EPHA7: variants seen among roughly 807,000 people sequenced by gnomAD.
The protein encoded by EPHA7 is ephrin type-A receptor 7.
A neutral mutation model predicts 112.6 loss-of-function variants in EPHA7; 25 were observed. The observed-to-expected ratio is 0.22, with a 90% CI of 0.16 to 0.31. The LOEUF is 0.31. Among genes scored for constraint, EPHA7 ranks in the 10% least tolerant of loss-of-function variants. The probability of loss-of-function intolerance (pLI) is 1.00; values close to 1 mark genes in which losing one functional copy is unlikely to be tolerated. For missense variants in EPHA7, 962 were observed against 1,212.6 expected (o/e 0.79, Z 3.07); for synonymous variants, 437 against 406.5 (o/e 1.07, Z -0.90).
chr6:93,396,532 G>A (rs917562196), intron 3 of EPHA7, among the ~76,000 whole-genome samples: 3 of 151,736 alleles, frequency 2.0e-5, no homozygotes, highest in African/African-American at 2.4e-5. Context: ...TAATATGTTC[G>A]AGATTTGTTA....
intron 5 of EPHA7, among the ~76,000 whole-genome samples, chr6:93,316,771 C>T (rs1038177664): frequency 2.0e-5 from 3 of 152,082 alleles, no homozygotes; most frequent in Admixed American, 6.6e-5. Context: ...CCTATTGATA[C>T]TGAGTTTCTG....
intron 3 of EPHA7, among the ~76,000 whole-genome samples, chr6:93,364,482 C>T (rs541272765): frequency 2.3e-4 from 35 of 149,180 alleles, no homozygotes; most frequent in African/African-American, 4.0e-4. Context: ...CGAGATGGTG[C>T]CACTGCACTC....
intron 5 of EPHA7, among the ~76,000 whole-genome samples, chr6:93,277,522 A>C (rs2127891112): frequency 6.6e-6 from 1 of 152,150 alleles, no homozygotes; most frequent in South Asian, 2.1e-4. Context: ...AGGGTAATTG[A>C]ACCTGTAGCA....
At chr6:93,416,774 G>T (rs954241328) in intron 1 of EPHA7, among the ~76,000 whole-genome samples, 4 of 152,152 alleles carry the variant, frequency 2.6e-5, no homozygotes, top group African/African-American at 9.7e-5. Context: ...CCGGAGTCCT[G>T]TGGGCCAACA....
intron 5 of EPHA7, among the ~76,000 whole-genome samples, chr6:93,281,932 G>C (rs1771761131): frequency 6.6e-6 from 1 of 151,190 alleles, no homozygotes; most frequent in Non-Finnish European, 1.5e-5. Flanking sequence ...ATTTAGATAA[G>C]GTAAATTTAT....
rs562255916 is a variant in EPHA7 at position 93,382,673 on chromosome 6, G to T, written c.833-24262C>A. 2.6e-5 allele frequency among the ~76,000 whole-genome samples: 4 copies of T among 152,086 alleles called. No homozygotes were observed. The South Asian group carries it at 6.2e-4, about 24-fold the overall frequency. On this transcript the variant is annotated intron_variant, in intron 3 of 16. Transcript: ENST00000369303. ...TTCAGTCCCCGGTTTACTGAACGAG[G>T]TTTTTTCCCTCACCACTGTTTAAGC...
intron 15 of EPHA7, among the ~76,000 whole-genome samples, chr6:93,245,717 T>C (rs1417491770): frequency 6.6e-6 from 1 of 152,216 alleles, no homozygotes; most frequent in Admixed American, 6.5e-5. Context: ...CCAACAATAT[T>C]TGGAATCAGT....
At chr6:93,356,689 A>G (rs766568311) in intron 5 of EPHA7, 28 bp downstream of exon 5, 2 of 1,572,462 alleles carry the variant, frequency 1.3e-6, no homozygotes, top group Non-Finnish European at 8.6e-7. Flanking sequence ...ACATTATTTC[A>G]TTCAGTGAAG....
chr6:93,277,179 C>T lies in EPHA7; in HGVS notation c.1325-4757G>A, dbSNP rs996029815. Among the ~76,000 whole-genome samples the T allele has an allele frequency of 4.6e-5, 7 of 151,982 alleles. No homozygotes were observed. In the South Asian group the frequency reaches 6.2e-4, roughly 13 times the overall value. On this transcript the variant is annotated intron_variant, in intron 5 of 16. Coordinates refer to ENST00000369303, the MANE Select transcript of EPHA7 (RefSeq NM_004440.4). Reference sequence around the variant, plus strand: ...TTAGCAATCCTTGAAATAACAAATGCGTGTGTTACTATGAGCTTAGTATTT... The same window carrying T: ...TTAGCAATCCTTGAAATAACAAATGTGTGTGTTACTATGAGCTTAGTATTT...
chr6:93,364,173 A>G (rs1054128627), intron 3 of EPHA7, among the ~76,000 whole-genome samples: 7 of 152,142 alleles, frequency 4.6e-5, no homozygotes, highest in African/African-American at 1.4e-4. Context: ...TATATTGTAC[A>G]CTTTAATGGG....
intron 3 of EPHA7, among the ~76,000 whole-genome samples, chr6:93,407,303 C>T (rs1778766035): frequency 6.6e-6 from 1 of 152,014 alleles, no homozygotes; most frequent in East Asian, 1.9e-4. Flanking sequence ...CTCTCCCAAA[C>T]ACATTAGTTT....
chr6:93,396,040 T>C (rs1778155910), intron 3 of EPHA7, among the ~76,000 whole-genome samples: 1 of 151,880 alleles, frequency 6.6e-6, no homozygotes, highest in Non-Finnish European at 1.5e-5. Context: ...TGTAATTGTG[T>C]CTCTGCTGTC....
At chr6:93,273,807 C>T (rs934913813) in intron 5 of EPHA7, among the ~76,000 whole-genome samples, 3 of 151,958 alleles carry the variant, frequency 2.0e-5, no homozygotes, top group African/African-American at 7.2e-5. Flanking sequence ...TAACTTATCT[C>T]TAAAGTGACA....
In EPHA7 at chr6:93,301,253, A is replaced by G. The variant is rs148615347; in HGVS notation, c.1325-28831T>C. The stretch of plus-strand genomic sequence containing the variant: ...TTTAAAATTGATATCTCATATTTGT[A>G]CATATTTTGAGGGTACATGTAATAC... On this transcript the variant is annotated intron_variant, in intron 5 of 16. Transcript: ENST00000369303. Among the ~76,000 whole-genome samples, 552 of 152,272 alleles carry G rather than the reference A, an allele frequency of 3.6e-3. 1 individual carries two copies. Among genetic ancestry groups the G allele is most frequent in the African/African-American group, 0.013 (531 of 41,562 alleles).
At chr6:93,281,373 C>T (rs1039072376) in intron 5 of EPHA7, among the ~76,000 whole-genome samples, 1 of 152,154 alleles carries the variant, frequency 6.6e-6, no homozygotes, top group African/African-American at 2.4e-5. Context: ...TACTTTCGTA[C>T]TTTTACAGTC....
intron 3 of EPHA7, among the ~76,000 whole-genome samples, chr6:93,401,084 TA>T (rs1367814665): frequency 3.3e-5 from 5 of 152,078 alleles, no homozygotes; most frequent in Non-Finnish European, 7.4e-5. Flanking sequence ...GGGGTTAAAC[TA>T]GGTGCTAATT....
Position 93,291,767 on chromosome 6 carries a change from CAAAAA to C in EPHA7, c.1325-19350_1325-19346del, listed in dbSNP as rs66483422. ...TGGGCGACAGAGCGAGACTCCGTCT[CAAAAA>C]AAAAAAAAAAAAAAATACTTTTCTG... On this transcript the variant is annotated intron_variant, in intron 5 of 16. Coordinates refer to ENST00000369303, the MANE Select transcript of EPHA7 (RefSeq NM_004440.4). Among the ~76,000 whole-genome samples, 61 of 71,680 alleles carry C rather than the reference CAAAAA, an allele frequency of 8.5e-4. 2 individuals carry two copies. Among genetic ancestry groups the C allele is most frequent in the Middle Eastern group, 0.021 (2 of 96 alleles). 47.0% of individuals were successfully genotyped at this position (71,680 alleles called of 152,430 possible).
At chr6:93,390,075 A>G (rs1777825876) in intron 3 of EPHA7, among the ~76,000 whole-genome samples, 1 of 151,972 alleles carries the variant, frequency 6.6e-6, no homozygotes, top group Non-Finnish European at 1.5e-5. Context: ...ATAAGGAGAC[A>G]AAGCAGCATG....
intron 5 of EPHA7, among the ~76,000 whole-genome samples, chr6:93,308,949 CTTT>C (rs747889940): frequency 2.8e-5 from 4 of 144,968 alleles, no homozygotes; most frequent in African/African-American, 1.0e-4. Context: ...ATAATTCAAA[CTTT>C]TTTTTTTTTT....
Sources: allele counts gnomAD v4.1 joint callset (sites outside exome capture counted in the v4.1 genomes callset), GRCh38; gene constraint gnomAD v4.1.1; transcripts MANE v1.5; gene names NCBI Gene and HGNC (gene_info 2026-07-23, HGNC 2026-07-21).